The following EIF4E3 variants were observed in gnomAD, a reference collection of about 807,000 sequenced individuals.
EIF4E3 encodes eukaryotic translation initiation factor 4E type 3.
EIF4E3 carries 26 observed loss-of-function variants against 31.7 expected under a neutral mutation model. The ratio of observed to expected loss-of-function variants is 0.82; its 90% CI spans 0.60 to 1.14. The LOEUF is 1.14. Ranked by LOEUF, EIF4E3 falls within the 50% of genes most tolerant of loss-of-function variation. EIF4E3 has a pLI of 0.00. For synonymous variants in EIF4E3, 128 were observed against 107.7 expected (o/e 1.19, Z -1.17); for missense variants, 304 against 270.9 (o/e 1.12, Z -0.86).
chr3:71,696,258 G>C (rs74589814), intron 4 of EIF4E3, among the ~76,000 whole-genome samples: 1 of 152,164 alleles, frequency 6.6e-6, no homozygotes, highest in Non-Finnish European at 1.5e-5. Flanking sequence ...ACTACACCAC[G>C]TCTATAGAGA....
At chr3:71,740,792 A>C (rs1316434875) in intron 1 of EIF4E3, among the ~76,000 whole-genome samples, 3 of 152,224 alleles carry the variant, frequency 2.0e-5, no homozygotes, top group Non-Finnish European at 4.4e-5. Context: ...GTCCAGGAAT[A>C]TATGAGAAAA....
chr3:71,725,993 A>T (rs138290604), upstream of EIF4E3, among the ~76,000 whole-genome samples: 26 of 152,298 alleles, frequency 1.7e-4, 1 homozygote, highest in African/African-American at 5.8e-4. The surrounding 1 kb of genome is among the most constrained non-coding windows in gnomAD (Gnocchi z 6.1). Context: ...AAGAGACTCC[A>T]GTGCCCGCGA....
chr3:71,722,382 G>A (rs1462775499), intron 1 of EIF4E3, among the ~76,000 whole-genome samples: 1 of 152,220 alleles, frequency 6.6e-6, no homozygotes, highest in Non-Finnish European at 1.5e-5. Flanking sequence ...GAGATCCCTG[G>A]TGTAAATGGC....
chr3:71,686,099 C>T (rs980200579), intron 6 of EIF4E3, among the ~76,000 whole-genome samples: 7 of 152,226 alleles, frequency 4.6e-5, no homozygotes, highest in African/African-American at 1.7e-4. Context: ...AATCCTCTCA[C>T]TTCAGTCTCC....
chr3:71,750,112 A>T (rs2049911686), intron 1 of EIF4E3, among the ~76,000 whole-genome samples: 2 of 152,208 alleles, frequency 1.3e-5, no homozygotes, highest in Non-Finnish European at 2.9e-5. Flanking sequence ...AGAAAATTTT[A>T]AGTTATAAGG....
chr3:71,661,679 A>G, the EIF4E3 span, among the ~76,000 whole-genome samples: 1 of 152,228 alleles, frequency 6.6e-6, no homozygotes, highest in Non-Finnish European at 1.5e-5. Context: ...TTGGCATGAC[A>G]TGGAGCAAGA....
chr3:71,752,469 A>G (rs2049939816), intron 1 of EIF4E3, among the ~76,000 whole-genome samples: 1 of 152,108 alleles, frequency 6.6e-6, no homozygotes, highest in East Asian at 1.9e-4. Context: ...AAGGCCCTCT[A>G]TGATCTTGCA....
chr3:71,710,283 G>A (rs2049356179), intron 2 of EIF4E3, 129 bp downstream of exon 2: 1 of 1,031,376 alleles, frequency 9.7e-7, no homozygotes, highest in Non-Finnish European at 1.5e-6. Context: ...GTGCCAACCT[G>A]GACCCGAGAG....
chr3:71,660,306 C>T, the EIF4E3 span, among the ~76,000 whole-genome samples: 2 of 151,834 alleles, frequency 1.3e-5, no homozygotes, highest in Admixed American at 1.3e-4. Context: ...AGCGTGATGA[C>T]CATCTGTGTA....
the EIF4E3 span, among the ~76,000 whole-genome samples, chr3:71,659,986 G>A: frequency 6.6e-6 from 1 of 152,230 alleles, no homozygotes; most frequent in African/African-American, 2.4e-5. Flanking sequence ...GGTGTTGCCT[G>A]GGAGCCTGAC....
At chr3:71,725,518 T>A, upstream of EIF4E3, 1 of 294,048 alleles carries the variant, frequency 3.4e-6, no homozygotes, top group Non-Finnish European at 4.8e-6. The surrounding 1 kb of genome is among the most constrained non-coding windows in gnomAD (Gnocchi z 6.1). Context: ...CCCGCCGCCT[T>A]CAGGGCCTGG....
chr3:71,745,369 A>C (rs2049861011), intron 1 of EIF4E3, among the ~76,000 whole-genome samples: 1 of 152,202 alleles, frequency 6.6e-6, no homozygotes, highest in South Asian at 2.1e-4. Context: ...CTAGCAATTC[A>C]AGAAACAGTA....
chr3:71,713,992 C>T (rs1361638334), intron 1 of EIF4E3, among the ~76,000 whole-genome samples: 2 of 151,998 alleles, frequency 1.3e-5, no homozygotes, highest in African/African-American at 4.8e-5. Flanking sequence ...AGTTGGATCA[C>T]CTGAGGTCAG....
intron 4 of EIF4E3, among the ~76,000 whole-genome samples, chr3:71,694,587 T>C (rs1205736517): frequency 3.3e-5 from 5 of 152,212 alleles, no homozygotes; most frequent in Non-Finnish European, 5.9e-5. Flanking sequence ...CATGATCTAA[T>C]AGTGGCATCC....
intron 6 of EIF4E3, among the ~76,000 whole-genome samples, chr3:71,685,199 C>A (rs2048976002): frequency 6.6e-6 from 1 of 152,086 alleles, no homozygotes; most frequent in Non-Finnish European, 1.5e-5. Flanking sequence ...GCAATTATAT[C>A]TAGGTGCCCC....
intron 1 of EIF4E3, among the ~76,000 whole-genome samples, chr3:71,734,925 G>C (rs1460587983): frequency 3.3e-5 from 5 of 151,786 alleles, no homozygotes; most frequent in Non-Finnish European, 7.4e-5. Flanking sequence ...ATGGTTTTTT[G>C]GTTTCTAATC....
intron 2 of EIF4E3, among the ~76,000 whole-genome samples, chr3:71,706,202 G>A (rs924570952): frequency 3.9e-5 from 6 of 152,078 alleles, no homozygotes; most frequent in Non-Finnish European, 8.8e-5. Context: ...TCAATCACGG[G>A]GAGTAAAAGA....
intron 2 of EIF4E3, among the ~76,000 whole-genome samples, chr3:71,708,594 G>A (rs2049328904): frequency 6.6e-6 from 1 of 151,934 alleles, no homozygotes; most frequent in Non-Finnish European, 1.5e-5. Flanking sequence ...GTGGGGTCAG[G>A]AAAACCAAGC....
At chr3:71,742,367 C>A (rs1386239119) in intron 1 of EIF4E3, among the ~76,000 whole-genome samples, 4 of 152,004 alleles carry the variant, frequency 2.6e-5, no homozygotes, top group Admixed American at 2.6e-4. Context: ...ACAACTTATG[C>A]CAATGAATTG....
Sources: allele counts gnomAD v4.1 joint callset (sites outside exome capture counted in the v4.1 genomes callset), GRCh38; gene constraint gnomAD v4.1.1; non-coding constraint Gnocchi (gnomAD v3.1); transcripts MANE v1.5; gene names NCBI Gene and HGNC (gene_info 2026-07-23, HGNC 2026-07-21).